The following ZNF276 variants were observed in gnomAD, a reference collection of about 807,000 sequenced individuals.
ZNF276 encodes centromere protein Z.
Under a neutral mutation model 63.9 loss-of-function variants are expected in ZNF276, and 59 were observed. That is an observed-to-expected ratio of 0.92 (90% CI 0.75 to 1.15). The LOEUF (loss-of-function observed/expected upper bound fraction) is 1.15. Ranked by LOEUF, ZNF276 falls within the 50% of genes most tolerant of loss-of-function variation. ZNF276 has a pLI of 0.00. For missense variants in ZNF276, 1,084 were observed against 843.8 expected, an observed-to-expected ratio of 1.28 and a Z score of -3.53; for synonymous variants, 496 against 348.4, an observed-to-expected ratio of 1.42 and a Z score of -4.72.
chr16:89,737,047 T>C (rs1308562260), intron 9 of ZNF276, among the ~76,000 whole-genome samples: 4 of 152,100 alleles, frequency 2.6e-5, no homozygotes, highest in African/African-American at 9.7e-5. Flanking sequence ...CATGTGGCAT[T>C]TGTGGACTAG....
Position 89,737,950 on chromosome 16 carries a change from C to T in ZNF276, c.1575-26C>T, listed in dbSNP as rs1555532198. ...CCCTCCCAGGGCTGTGGCCCTCGCA[C>T]CTTCTTATCTGCCTCTGTCCCCCAG... On this transcript the variant is annotated intron_variant, in intron 10 of 10. Transcript: ENST00000443381. The T allele has an allele frequency of 5.6e-6, 9 of 1,614,144 alleles. No individual in the cohort carries two copies. In the South Asian group the frequency reaches 8.8e-5, roughly 16 times the overall value.
Position 89,738,377 on chromosome 16 carries a change from G to C in ZNF276, c.*131G>C. 3 of 1,427,434 alleles carry C rather than the reference G, an allele frequency of 2.1e-6. No individual in the cohort carries two copies. Among genetic ancestry groups the C allele is most frequent in the South Asian group, 1.4e-5 (1 of 73,582 alleles). 88.4% of individuals were successfully genotyped at this position (1,427,434 alleles called of 1,614,324 possible). A position where few individuals can be genotyped will look rare whatever the true frequency, so the allele number is the denominator to read the frequency against. ...GCCCTTGGTGCTGGAGGCGGGCTTG[G>C]TGTCCGGCTCAAGTAGCCTTCCTCT... On this transcript the variant is annotated 3_prime_UTR_variant, in exon 11 of 11. Transcript: ENST00000443381.
Position 89,740,664 on chromosome 16 carries a change from T to G in ZNF276, c.*2418T>G. 1 of 659,744 alleles carries G rather than the reference T, an allele frequency of 1.5e-6. No individual in the cohort carries two copies. Among genetic ancestry groups the G allele is most frequent in the Non-Finnish European group, 2.7e-6 (1 of 369,474 alleles). 40.9% of individuals were successfully genotyped at this position (659,744 alleles called of 1,614,324 possible). A position where few individuals can be genotyped will look rare whatever the true frequency, so the allele number is the denominator to read the frequency against. On this transcript the variant is annotated 3_prime_UTR_variant, in exon 11 of 11. Transcript: ENST00000443381. ...AAAAAAAAAAAAAAAACCCACGGCC[T>G]GGGAGTTCTCACTCACACTTCCGCA...
chr16:89,731,467 C>G (rs1002847928), intron 6 of ZNF276: 3 of 152,288 alleles, frequency 2.0e-5, no homozygotes, highest in African/African-American at 7.2e-5. Context: ...GTTGGCCACA[C>G]TGGTCTCGAA....
In ZNF276 at chr16:89,733,334, C is replaced by T. The variant is rs1289006116; in HGVS notation, c.1202C>T (p.Ala401Val). Residue 401 changes from alanine (A) to valine (V), a missense_variant, in exon 7 of 11, where the codon GCC becomes GTC. Coordinates refer to ENST00000443381, the MANE Select transcript of ZNF276 (RefSeq NM_001113525.2). ...VSGKKSESKEAKKSEEPRIRK... is the reference protein window; with the variant it reads ...VSGKKSESKEVKKSEEPRIRK... ...GGTAAGAAGAGTGAAAGCAAAGAAGCCAAGAAGTCTGAAGAACCAAGAATT... is the reference window on the plus strand; with the variant it reads ...GGTAAGAAGAGTGAAAGCAAAGAAGTCAAGAAGTCTGAAGAACCAAGAATT... 1.2e-6 allele frequency: 2 copies of T among 1,614,014 alleles called. No homozygotes were observed. The highest frequency in any genetic ancestry group is 1.3e-5 in the African/African-American group (1 of 74,936).
chr16:89,724,194 C>G (rs1024176157), intron 4 of ZNF276, among the ~76,000 whole-genome samples: 1 of 152,240 alleles, frequency 6.6e-6, no homozygotes, highest in Non-Finnish European at 1.5e-5. Context: ...AGGGGAAACA[C>G]AAGGCCCTTG....
rs761934804 is a variant in ZNF276, at chr16:89,739,249, C to G, written c.*1003C>G. The G allele has an allele frequency of 5.0e-6, 8 of 1,614,050 alleles. No individual in the cohort carries two copies. Among genetic ancestry groups the G allele is most frequent in the Non-Finnish European group, 6.8e-6 (8 of 1,180,052 alleles). ...TCCACAGCAACATGCAGGAAGGCCT[C>G]TTCCCTGATGGCCGCGTCTTCATGG... On this transcript the variant is annotated 3_prime_UTR_variant, in exon 11 of 11. Transcript: ENST00000443381.
rs540321841 is a variant in ZNF276, at chr16:89,723,339, C to T, written c.636C>T (p.Ala212=). ...ATGGACATGCGGCCAGCTGCGGGGCCCTGCCCCACCTTCAGAGGACACTGT... is the reference window on the plus strand; with the variant it reads ...ATGGACATGCGGCCAGCTGCGGGGCTCTGCCCCACCTTCAGAGGACACTGT... ...WVHGHAASCG[A]LPHLQRTLSS... Residue 212 remains alanine, a synonymous_variant, in exon 4 of 11, where the codon GCC becomes GCT. Transcript: ENST00000443381. 4 of 1,613,010 alleles carry T rather than the reference C, an allele frequency of 2.5e-6. No individual in the cohort carries two copies. In the South Asian group the frequency reaches 4.4e-5, roughly 18 times the overall value.
Position 89,737,903 on chromosome 16 carries a change from G to C in ZNF276, c.1572G>C (p.Leu524Phe). 1.2e-6 allele frequency: 2 copies of C among 1,603,370 alleles called. No homozygotes were observed. Among genetic ancestry groups the C allele is most frequent in the Non-Finnish European group, 1.7e-6 (2 of 1,178,732 alleles). Residue 524 changes from leucine (L) to phenylalanine (F), a missense_variant and splice_region_variant, in exon 10 of 11, where the codon TTG (leucine) becomes TTC (phenylalanine). Physicochemically the swap from Leu to Phe is conservative, Grantham distance 22 (BLOSUM62 0). Transcript: ENST00000443381. ...HQMRHSGAKP[L>F]QCEVCGFQCR... The stretch of plus-strand genomic sequence containing the variant: ...TGCGACATTCGGGAGCCAAGCCTTT[G>C]CAGTAAGTGTGAGTCAGGACCCCCT...
chr16:89,733,241 CAAA>C (rs903737485), intron 6 of ZNF276, 58 bp from the exon 7 acceptor site: 1 of 1,493,302 alleles, frequency 6.7e-7, no homozygotes, highest in Admixed American at 1.8e-5. Flanking sequence ...GTTGGAGAGA[CAAA>C]AAACATTTTG....
chr16:89,726,847 C>T (rs376655763), intron 4 of ZNF276, among the ~76,000 whole-genome samples: 1 of 139,244 alleles, frequency 7.2e-6, no homozygotes, highest in East Asian at 2.1e-4. Context: ...GGTTTCACCA[C>T]GTTGGCCAGG....
In ZNF276 at chr16:89,723,533, G is replaced by A. The variant is rs2061373381; in HGVS notation, c.830G>A (p.Trp277Ter). Residue 277 changes from tryptophan to a stop codon, truncating the protein, a stop_gained, in exon 4 of 11, where the codon TGG becomes TAG. Transcript: ENST00000443381. LOFTEE classifies it high-confidence loss of function. ...TAPRLPQHRG[W>*]NPGDAPQTSQ... Reference sequence around the variant, plus strand: ...CCACGGCTGCCCCAGCACCGAGGGTGGAACCCTGGGGATGCCCCTCAGACC... The same window carrying A: ...CCACGGCTGCCCCAGCACCGAGGGTAGAACCCTGGGGATGCCCCTCAGACC... The A allele has an allele frequency of 6.2e-7, 1 of 1,612,694 alleles. No homozygotes were observed. The highest frequency in any genetic ancestry group is 1.3e-5 in the African/African-American group (1 of 74,944).
chr16:89,740,697 G>T lies in ZNF276; in HGVS notation c.*2451G>T, dbSNP rs897083697. 1 of 860,858 alleles carries T rather than the reference G, an allele frequency of 1.2e-6. No individual in the cohort carries two copies. Among genetic ancestry groups the T allele is most frequent in the Non-Finnish European group, 1.9e-6 (1 of 518,452 alleles). The allele number at this position is 860,858 out of a possible 1,614,324, so 53.3% of individuals were successfully genotyped here. A position where few individuals can be genotyped will look rare whatever the true frequency, so the allele number is the denominator to read the frequency against. ...CTCACTCACACTTCCGCAAACACAA[G>T]GAGCTCCTGAGCTAGTCTGGAAACC... On this transcript the variant is annotated 3_prime_UTR_variant, in exon 11 of 11. Transcript: ENST00000443381.
In ZNF276 at chr16:89,723,631, C is replaced by T. The variant is rs550665808; in HGVS notation, c.928C>T (p.Pro310Ser). ...CCTGCCCAGCACGGATGTGGCCCAG[C>T]CTCCTTCGGACAGCGACGCGGTGGG... ...KTLPSTDVAQ[P>S]PSDSDAVGPR... is the part of the protein sequence containing the mutation. The change falls in exon 4 of 11, where the codon CCT becomes TCT. Residue 310 changes from proline to serine, a missense_variant. Physicochemically the swap from Pro to Ser is moderately conservative, Grantham distance 74. Coordinates refer to ENST00000443381, the MANE Select transcript of ZNF276 (RefSeq NM_001113525.2). The T allele has an allele frequency of 1.2e-6, 2 of 1,612,734 alleles. No homozygotes were observed. Among genetic ancestry groups the T allele is most frequent in the Admixed American group, 1.7e-5 (1 of 60,024 alleles).
At chr16:89,725,373 G>A (rs1000705280) in intron 4 of ZNF276, among the ~76,000 whole-genome samples, 28 of 151,568 alleles carry the variant, frequency 1.8e-4, no homozygotes, top group South Asian at 2.1e-4. Flanking sequence ...GTAGAGATGG[G>A]GTTTCACCAT....
chr16:89,720,825 G>A (rs1220465775), upstream of ZNF276: 1 of 1,449,330 alleles, frequency 6.9e-7, no homozygotes, highest in Non-Finnish European at 9.1e-7. Flanking sequence ...GCGCTCTGCA[G>A]CGGCTTCACC....
chr16:89,731,287 TCTGTTGCCCAGACTGGAGTGCA>T (rs1457110634), intron 6 of ZNF276, among the ~76,000 whole-genome samples: 1 of 152,234 alleles, frequency 6.6e-6, no homozygotes, highest in Non-Finnish European at 1.5e-5. Flanking sequence ...GGAGTCTTGC[TCTGTTGCCCAGACTGGAGTGCA>T]GTGGCACGAT....
Position 89,721,680 on chromosome 16 carries a change from T to C in ZNF276, c.40T>C (p.Ser14Pro), listed in dbSNP as rs1294981123. 22 of 1,436,046 alleles carry C rather than the reference T, an allele frequency of 1.5e-5. No homozygotes were observed. Among genetic ancestry groups the C allele is most frequent in the Non-Finnish European group, 1.9e-5 (21 of 1,098,914 alleles). The allele number at this position is 1,436,046 out of a possible 1,614,324, so 89.0% of individuals were successfully genotyped here. A position where few individuals can be genotyped will look rare whatever the true frequency, so the allele number is the denominator to read the frequency against. ...GCTGGGCCGCTTCCTGTCTCCTGGG[T>C]CGTCCCGACAGTGCGGGGCCTCGGA... The part of the protein sequence containing the change: ...DRLGRFLSPG[S>P]SRQCGASDGG... Residue 14 changes from serine to proline, a missense_variant, in exon 1 of 11, where the codon TCG (serine) becomes CCG (proline). By Grantham distance (74) the Ser-to-Pro change is moderately conservative (BLOSUM62 -1). Coordinates refer to ENST00000443381, the MANE Select transcript of ZNF276 (RefSeq NM_001113525.2).
intron 5 of ZNF276, among the ~76,000 whole-genome samples, chr16:89,727,978 C>T (rs2061520109): frequency 6.6e-6 from 1 of 152,210 alleles, no homozygotes; most frequent in Non-Finnish European, 1.5e-5. Flanking sequence ...GGCAGCTGTG[C>T]CAGGCTGGGG....
Sources: gnomAD v4.1 joint callset for allele counts (sites outside exome capture counted in the v4.1 genomes callset) on GRCh38, gnomAD v4.1.1 for gene constraint, MANE v1.5 for transcripts, NCBI Gene and HGNC (gene_info 2026-07-23, HGNC 2026-07-21) for gene names.